The following CHD1L variants were observed in gnomAD, a reference collection of about 807,000 sequenced individuals.
CHD1L encodes the protein chromodomain helicase DNA binding protein 1 like.
CHD1L carries 118 observed loss-of-function variants against 115.9 expected under a neutral mutation model. That is an observed-to-expected ratio of 1.02 (90% CI 0.88 to 1.19). CHD1L has a LOEUF of 1.19. CHD1L is among the 50% of genes most tolerant of loss of function. The probability of loss-of-function intolerance (pLI) is 0.00; values close to 1 mark genes in which losing one functional copy is unlikely to be tolerated. For missense variants in CHD1L, 1,179 were observed against 1,065.3 expected (o/e 1.11, Z -1.49); for synonymous variants, 411 against 387.1 (o/e 1.06, Z -0.72).
At chr1:147,186,097 ACT>A in the CHD1L span, among the ~76,000 whole-genome samples, 1 of 152,198 alleles carries the variant, frequency 6.6e-6, no homozygotes. Flanking sequence ...ATTGGAAGCT[ACT>A]TATCATATTT....
At chr1:147,207,989 T>A in the CHD1L span, among the ~76,000 whole-genome samples, 1 of 152,198 alleles carries the variant, frequency 6.6e-6, no homozygotes, top group Non-Finnish European at 1.5e-5. Context: ...TTCTTCAGCC[T>A]CTCAGCTTCC....
At chr1:147,173,469 G>A in the CHD1L span, 2 of 152,212 alleles carry the variant, frequency 1.3e-5, no homozygotes, top group Non-Finnish European at 1.5e-5. Flanking sequence ...GCTCTCCTAG[G>A]CTAAGAAACA....
chr1:147,268,523 C>T (rs941897425), intron 9 of CHD1L, among the ~76,000 whole-genome samples: 9 of 152,152 alleles, frequency 5.9e-5, no homozygotes, highest in South Asian at 2.1e-4. Context: ...GAGTGAGTCT[C>T]GATTTCAGTT....
the CHD1L span, among the ~76,000 whole-genome samples, chr1:147,226,031 T>A: frequency 6.6e-6 from 1 of 151,994 alleles, no homozygotes; most frequent in Non-Finnish European, 1.5e-5. Context: ...AGGTCAGGGG[T>A]TGATGTTATT....
At chr1:147,266,192 A>T in intron 8 of CHD1L, 105 bp downstream of exon 8, 1 of 1,114,564 alleles carries the variant, frequency 9.0e-7, no homozygotes, top group East Asian at 2.7e-5. Context: ...AGAATATGGG[A>T]TGGAATTTTG....
Position 147,279,410 on chromosome 1 carries a change from C to T in CHD1L, c.1540-616C>T, listed in dbSNP as rs375457516. Among the ~76,000 whole-genome samples, 19 of 152,080 alleles carry T rather than the reference C, an allele frequency of 1.2e-4. No individual in the cohort carries two copies. In the East Asian group the frequency reaches 2.1e-3, roughly 17 times the overall value. On this transcript the variant is annotated intron_variant, in intron 14 of 22. Coordinates refer to ENST00000369258, the MANE Select transcript of CHD1L (RefSeq NM_004284.6). ...AGGCTGAGAGTACTCCAGAGAGGGACGAGAGAAGAGAAGCAGGATAGTGCA... is the reference window on the plus strand; with the variant it reads ...AGGCTGAGAGTACTCCAGAGAGGGATGAGAGAAGAGAAGCAGGATAGTGCA...
At chr1:147,242,516 A>C (rs1665016366), upstream of CHD1L, 1 of 513,224 alleles carries the variant, frequency 1.9e-6, no homozygotes, top group African/African-American at 2.0e-5. Flanking sequence ...CACGCTCCGC[A>C]CTGCAAGAAC....
At chr1:147,246,040 A>T (rs56056005) in intron 1 of CHD1L, among the ~76,000 whole-genome samples, 4 of 152,090 alleles carry the variant, frequency 2.6e-5, no homozygotes, top group African/African-American at 9.7e-5. Context: ...TGATAGCTAC[A>T]CTCACCTCCC....
At chr1:147,222,442 G>T in the CHD1L span, among the ~76,000 whole-genome samples, 3 of 152,128 alleles carry the variant, frequency 2.0e-5, no homozygotes, top group African/African-American at 7.2e-5. Context: ...AAGTAATAAG[G>T]ACAGAAGAAA....
intron 18 of CHD1L, 114 bp downstream of exon 18, chr1:147,286,614 CAAA>C: frequency 1.2e-6 from 1 of 848,414 alleles, no homozygotes; most frequent in Non-Finnish European, 1.8e-6. Context: ...ATTGTACAGT[CAAA>C]AAAGTGTGAA....
At chr1:147,282,545 T>C (rs1681329257) in intron 15 of CHD1L, among the ~76,000 whole-genome samples, 2 of 152,228 alleles carry the variant, frequency 1.3e-5, no homozygotes, top group East Asian at 3.9e-4. Context: ...ACTTTGCATT[T>C]TCCAAAAGGT....
chr1:147,178,759 G>C, the CHD1L span: 37 of 1,598,408 alleles, frequency 2.3e-5, no homozygotes, highest in South Asian at 4.1e-4. Context: ...TAACAAGTTG[G>C]AGGACAAGAC....
At chr1:147,215,613 G>T in the CHD1L span, 1 of 601,004 alleles carries the variant, frequency 1.7e-6, no homozygotes, top group Non-Finnish European at 2.9e-6. Context: ...GGAGGACAAA[G>T]AATGGAGTTT....
At chr1:147,224,820 T>C in the CHD1L span, 2 of 1,473,166 alleles carry the variant, frequency 1.4e-6, no homozygotes, top group Admixed American at 1.7e-5. Flanking sequence ...CACCTGACAC[T>C]GTTAAGATAA....
At chr1:147,254,139 C>T (rs1553938205) in intron 2 of CHD1L, among the ~76,000 whole-genome samples, 4 of 152,126 alleles carry the variant, frequency 2.6e-5, no homozygotes, top group African/African-American at 9.7e-5. Context: ...CTGTATATTA[C>T]AGCAACATTC....
At chr1:147,183,027 G>A in the CHD1L span, among the ~76,000 whole-genome samples, 16 of 152,126 alleles carry the variant, frequency 1.1e-4, no homozygotes, top group African/African-American at 3.1e-4. Context: ...ATAAAACCCC[G>A]TCTCTACTAA....
chr1:147,187,359 A>G, the CHD1L span: 1 of 707,968 alleles, frequency 1.4e-6, no homozygotes, highest in East Asian at 2.7e-5. Flanking sequence ...GAGCTGTGGA[A>G]TATAGAGAAG....
chr1:147,183,726 G>C, the CHD1L span, among the ~76,000 whole-genome samples: 1 of 152,150 alleles, frequency 6.6e-6, no homozygotes, highest in Non-Finnish European at 1.5e-5. Flanking sequence ...AATTTATCAA[G>C]AGGAAAGTAC....
intron 1 of CHD1L, among the ~76,000 whole-genome samples, chr1:147,247,977 G>C (rs1206128805): frequency 1.3e-5 from 2 of 152,086 alleles, no homozygotes; most frequent in Admixed American, 1.3e-4. Context: ...GATAATTCAG[G>C]GTACTCTTCC....
Sources: gnomAD v4.1 joint callset for allele counts (sites outside exome capture counted in the v4.1 genomes callset) on GRCh38, gnomAD v4.1.1 for gene constraint, MANE v1.5 for transcripts, NCBI Gene and HGNC (gene_info 2026-07-23, HGNC 2026-07-21) for gene names.